Variants in FHIT observed in about 807,000 individuals in gnomAD.
FHIT encodes fragile histidine triad diadenosine triphosphatase, also known as bis(5'-adenosyl)-triphosphatase.
In FHIT, 19 loss-of-function variants were observed where a neutral mutation model predicts 17.9. That is an observed-to-expected ratio of 1.06 (90% CI 0.74 to 1.56). The LOEUF (loss-of-function observed/expected upper bound fraction) is 1.56. FHIT is among the 40% of genes most tolerant of loss of function. The pLI, the probability that FHIT is intolerant of heterozygous loss-of-function variation, is 0.00. For missense variants in FHIT, 248 were observed against 189.2 expected, an observed-to-expected ratio of 1.31 and a Z score of -1.82; for synonymous variants, 81 against 69.7, an observed-to-expected ratio of 1.16 and a Z score of -0.81.
chr3:60,416,238 T>C (rs1409310188), intron 5 of FHIT, among the ~76,000 whole-genome samples: 2 of 152,134 alleles, frequency 1.3e-5, no homozygotes, highest in Admixed American at 6.6e-5. Context: ...ATAAAAATAT[T>C]GGTGAAGAAG....
chr3:59,887,721 T>G (rs1486899585), intron 8 of FHIT, among the ~76,000 whole-genome samples: 2 of 152,172 alleles, frequency 1.3e-5, no homozygotes, highest in African/African-American at 4.8e-5. Flanking sequence ...CTACACTTTC[T>G]CAAGAATCCA....
chr3:59,794,854 G>A (rs1166363051), intron 8 of FHIT, among the ~76,000 whole-genome samples: 1 of 152,198 alleles, frequency 6.6e-6, no homozygotes. Context: ...GACAGTATGA[G>A]GGAAGGCCTT....
intron 4 of FHIT, among the ~76,000 whole-genome samples, chr3:60,571,906 G>C (rs2037396982): frequency 6.6e-6 from 1 of 152,116 alleles, no homozygotes; most frequent in South Asian, 2.1e-4. Context: ...TATGGCACAG[G>C]AATAGAATAT....
chr3:60,172,207 A>G (rs1701450434), intron 5 of FHIT, among the ~76,000 whole-genome samples: 1 of 152,186 alleles, frequency 6.6e-6, no homozygotes, highest in Non-Finnish European at 1.5e-5. Flanking sequence ...GAGTGAAAAT[A>G]CGAGTTGAGA....
chr3:61,179,152 C>G (rs9871019), intron 2 of FHIT, among the ~76,000 whole-genome samples: 37,428 of 151,298 alleles, frequency 0.25, 5,577 homozygotes, highest in East Asian at 0.72. Flanking sequence ...TGGGACTACA[C>G]ACATGTGCCA....
chr3:60,205,510 T>A (rs912771070), intron 5 of FHIT, among the ~76,000 whole-genome samples: 1 of 152,114 alleles, frequency 6.6e-6, no homozygotes, highest in East Asian at 1.9e-4. Flanking sequence ...AGCCAAAGGA[T>A]AGAGCCACCT....
chr3:59,975,878 T>G (rs533064732), intron 7 of FHIT, among the ~76,000 whole-genome samples: 3 of 152,160 alleles, frequency 2.0e-5, no homozygotes, highest in Non-Finnish European at 2.9e-5. Context: ...CTACATGACC[T>G]AGATTTCTGA....
chr3:61,139,169 A>AT (rs1209961891), intron 2 of FHIT, among the ~76,000 whole-genome samples: 1 of 151,854 alleles, frequency 6.6e-6, no homozygotes, highest in African/African-American at 2.4e-5. Flanking sequence ...AGCTGGGACT[A>AT]TAGGCATGTG....
chr3:60,407,069 T>A (rs1243997402), intron 5 of FHIT, among the ~76,000 whole-genome samples: 13 of 113,206 alleles, frequency 1.1e-4, no homozygotes, highest in Middle Eastern at 4.2e-3. Flanking sequence ...TGCCAATAAT[T>A]TTTTTTTTTT....
chr3:59,835,254 G>A (rs1400061222), intron 8 of FHIT, among the ~76,000 whole-genome samples: 1 of 152,104 alleles, frequency 6.6e-6, no homozygotes, highest in Non-Finnish European at 1.5e-5. Flanking sequence ...TGGTTTGGAT[G>A]TCAAACAAAA....
At chr3:61,055,607 T>G (rs1276605593) in intron 2 of FHIT, among the ~76,000 whole-genome samples, 1 of 152,168 alleles carries the variant, frequency 6.6e-6, no homozygotes, top group Admixed American at 6.5e-5. Flanking sequence ...GTGATTCCCA[T>G]GTATAACCAC....
At chr3:60,654,610 T>A (rs1317714194) in intron 4 of FHIT, among the ~76,000 whole-genome samples, 3 of 151,998 alleles carry the variant, frequency 2.0e-5, no homozygotes, top group Admixed American at 1.3e-4. Flanking sequence ...TTGAAATATA[T>A]ATTACAGAAA....
intron 4 of FHIT, among the ~76,000 whole-genome samples, chr3:60,605,345 C>G (rs2038576258): frequency 6.6e-6 from 1 of 152,196 alleles, no homozygotes; most frequent in Non-Finnish European, 1.5e-5. Context: ...TGGCTCAGCT[C>G]TGGTGAGAAC....
chr3:61,054,985 A>G (rs2034166397), intron 2 of FHIT, among the ~76,000 whole-genome samples: 1 of 152,192 alleles, frequency 6.6e-6, no homozygotes, highest in Admixed American at 6.5e-5. Context: ...GTTATACCTC[A>G]AGGAGAACCT....
At chr3:60,300,816 A>G (rs756434072) in intron 5 of FHIT, among the ~76,000 whole-genome samples, 1 of 151,940 alleles carries the variant, frequency 6.6e-6, no homozygotes, top group Non-Finnish European at 1.5e-5. Flanking sequence ...CCTATTCCCC[A>G]CCAGTCAAAA....
chr3:60,110,390 C>T (rs772929539), intron 5 of FHIT, among the ~76,000 whole-genome samples: 20 of 152,102 alleles, frequency 1.3e-4, no homozygotes, highest in Admixed American at 2.6e-4. Flanking sequence ...TTCCTCGCAA[C>T]ATTTATACTT....
chr3:60,579,366 A>T (rs1040502197), intron 4 of FHIT, among the ~76,000 whole-genome samples: 1 of 152,180 alleles, frequency 6.6e-6, no homozygotes, highest in Non-Finnish European at 1.5e-5. Context: ...TACAGTAAAA[A>T]TATATTATAA....
intron 4 of FHIT, among the ~76,000 whole-genome samples, chr3:60,702,143 C>A (rs936924133): frequency 6.6e-6 from 1 of 152,172 alleles, no homozygotes; most frequent in African/African-American, 2.4e-5. Flanking sequence ...GGATTATAGG[C>A]GTGAGCCACT....
intron 5 of FHIT, among the ~76,000 whole-genome samples, chr3:60,474,202 G>C (rs983111502): frequency 7.9e-5 from 12 of 152,304 alleles, no homozygotes; most frequent in Admixed American, 7.8e-4. Flanking sequence ...AGCACCAAAG[G>C]CTAGAGTTTC....
Sources: allele counts gnomAD v4.1 joint callset (sites outside exome capture counted in the v4.1 genomes callset), GRCh38; gene constraint gnomAD v4.1.1; transcripts MANE v1.5; gene names NCBI Gene and HGNC (gene_info 2026-07-23, HGNC 2026-07-21).